The following CTNNA3 variants were observed in gnomAD, a reference collection of about 807,000 sequenced individuals.
The protein encoded by CTNNA3 is catenin alpha 3.
A neutral mutation model predicts 95.7 loss-of-function variants in CTNNA3; 76 were observed. The ratio of observed to expected loss-of-function variants is 0.79; its 90% confidence interval spans 0.66 to 0.96. The LOEUF is 0.96. Among genes scored for constraint, CTNNA3 ranks in the 40% least tolerant of loss-of-function variants. The probability of loss-of-function intolerance (pLI) is 0.00; values close to 1 mark genes in which losing one functional copy is unlikely to be tolerated. For missense variants in CTNNA3, 1,191 were observed against 1,089.8 expected, an observed-to-expected ratio of 1.09 and a Z score of -1.31; for synonymous variants, 431 against 374.4, an observed-to-expected ratio of 1.15 and a Z score of -1.74.
intron 3 of CTNNA3, among the ~76,000 whole-genome samples, chr10:67,546,726 T>A (rs12217699): frequency 6.6e-6 from 1 of 152,322 alleles, no homozygotes; most frequent in East Asian, 1.9e-4. Flanking sequence ...ATAAACACTT[T>A]TATATTATTC....
At chr10:66,129,320 C>T (rs7079733) in intron 13 of CTNNA3, among the ~76,000 whole-genome samples, 26,571 of 152,102 alleles carry the variant, frequency 0.17, 2,757 homozygotes, top group South Asian at 0.4. Context: ...CAGCAAGCTA[C>T]TCTCACATTG....
chr10:65,932,589 G>A (rs1009811724), intron 17 of CTNNA3, among the ~76,000 whole-genome samples: 3 of 152,058 alleles, frequency 2.0e-5, no homozygotes, highest in African/African-American at 4.8e-5. Context: ...CCAAATCGCC[G>A]TAACTCCAAA....
At chr10:66,615,832 C>T (rs565798771) in intron 10 of CTNNA3, among the ~76,000 whole-genome samples, 2 of 152,094 alleles carry the variant, frequency 1.3e-5, no homozygotes, top group South Asian at 2.1e-4. Flanking sequence ...GATGTGCAAT[C>T]GTTTCACTAT....
At chr10:66,801,168 GAAAT>G (rs1467519725) in intron 7 of CTNNA3, among the ~76,000 whole-genome samples, 2 of 151,274 alleles carry the variant, frequency 1.3e-5, no homozygotes, top group South Asian at 2.1e-4. Context: ...ATATTAGGGG[GAAAT>G]AAATATAAAG....
Position 67,065,507 on chromosome 10 carries a change from C to T in CTNNA3, c.1047+114810G>A, listed in dbSNP as rs541092218. Among the ~76,000 whole-genome samples the T allele has an allele frequency of 3.9e-5, 6 of 152,268 alleles. No individual in the cohort carries two copies. The South Asian group carries it at 1.2e-3, about 32-fold the overall frequency. On this transcript the variant is annotated intron_variant, in intron 7 of 17. Coordinates refer to ENST00000433211, the MANE Select transcript of CTNNA3 (RefSeq NM_013266.4). ...ACAGAAACTAGCTAGCTTCCCACCA[C>T]ATCTGTTCCATCTTCTTCCTGGGCC...
intron 9 of CTNNA3, among the ~76,000 whole-genome samples, chr10:66,670,839 C>A (rs917093934): frequency 6.6e-6 from 1 of 152,184 alleles, no homozygotes; most frequent in Non-Finnish European, 1.5e-5. Context: ...ACCTGCCAAC[C>A]AGAAATTGGC....
At chr10:67,179,188 C>A (rs987878901) in intron 7 of CTNNA3, among the ~76,000 whole-genome samples, 1 of 152,024 alleles carries the variant, frequency 6.6e-6, no homozygotes, top group Non-Finnish European at 1.5e-5. Context: ...CTACATGAAT[C>A]TTGAATTCTT....
intron 12 of CTNNA3, among the ~76,000 whole-genome samples, chr10:66,314,945 T>C (rs1360263383): frequency 6.6e-6 from 1 of 152,056 alleles, no homozygotes; most frequent in East Asian, 1.9e-4. Flanking sequence ...AGAAGGAAAG[T>C]GACAGTTCTT....
intron 13 of CTNNA3, among the ~76,000 whole-genome samples, chr10:66,153,052 T>A (rs1175131013): frequency 6.6e-6 from 1 of 151,968 alleles, no homozygotes; most frequent in Non-Finnish European, 1.5e-5. Context: ...TATTGATCTA[T>A]CTTAAAGTTT....
chr10:67,644,495 G>A lies in CTNNA3; in HGVS notation c.99+2920C>T, dbSNP rs186589383. Among the ~76,000 whole-genome samples, 130 of 150,794 alleles carry A rather than the reference G, an allele frequency of 8.6e-4. 1 individual carries two copies. In the East Asian group the frequency reaches 0.022, roughly 25 times the overall value. On this transcript the variant is annotated intron_variant, in intron 2 of 17. Coordinates refer to ENST00000433211, the MANE Select transcript of CTNNA3 (RefSeq NM_013266.4). The stretch of plus-strand genomic sequence containing the variant: ...AGACACTTAACATGATGTTATCCTA[G>A]AAAAAAAAACCTTTAATATAATTTA...
In CTNNA3 at chr10:66,840,323, A is replaced by ATCTC. The variant is rs71035189; in HGVS notation, c.1048-64803_1048-64800dup. ...CCTGCATTTCTTCTTCCAAGAAGCC[A>ATCTC]TCTCTCTCTCTCTCTCTCTCTCTCT... On this transcript the variant is annotated intron_variant, in intron 7 of 17. Transcript: ENST00000433211. Among the ~76,000 whole-genome samples, 346 of 90,644 alleles carry ATCTC rather than the reference A, an allele frequency of 3.8e-3. 2 individuals are homozygous for ATCTC. Among genetic ancestry groups the ATCTC allele is most frequent in the East Asian group, 0.02 (33 of 1,648 alleles). The allele number at this position is 90,644 out of a possible 152,430, so 59.5% of individuals were successfully genotyped here. A position where few individuals can be genotyped will look rare whatever the true frequency, so the allele number is the denominator to read the frequency against.
chr10:67,725,447 GA>G (rs1013541157), intron 1 of CTNNA3, among the ~76,000 whole-genome samples: 1 of 152,116 alleles, frequency 6.6e-6, no homozygotes, highest in African/African-American at 2.4e-5. Flanking sequence ...AAACTGGTGG[GA>G]TTAAAGGGGT....
At chr10:66,360,062 C>T (rs2092641768) in intron 12 of CTNNA3, among the ~76,000 whole-genome samples, 1 of 152,044 alleles carries the variant, frequency 6.6e-6, no homozygotes, top group African/African-American at 2.4e-5. Flanking sequence ...CTCCTGACCT[C>T]ATGATCCACC....
Position 66,133,349 on chromosome 10 carries a change from C to T in CTNNA3, c.1885-30100G>A, listed in dbSNP as rs1464986282. Among the ~76,000 whole-genome samples, 4 of 151,596 alleles carry T rather than the reference C, an allele frequency of 2.6e-5. No individual in the cohort carries two copies. In the East Asian group the frequency reaches 5.8e-4, roughly 22 times the overall value. ...GGCCAACATGGCGAAACCCCATCTCCACTAAAAATACAAAAATTAGCCAGG... is the reference window on the plus strand; with the variant it reads ...GGCCAACATGGCGAAACCCCATCTCTACTAAAAATACAAAAATTAGCCAGG... On this transcript the variant is annotated intron_variant, in intron 13 of 17. Transcript: ENST00000433211.
At chr10:66,737,793 G>A (rs941998362) in intron 9 of CTNNA3, among the ~76,000 whole-genome samples, 73 of 151,972 alleles carry the variant, frequency 4.8e-4, no homozygotes, top group African/African-American at 1.8e-3. Flanking sequence ...TGAGTAGCTG[G>A]GATTACAGGC....
intron 7 of CTNNA3, among the ~76,000 whole-genome samples, chr10:66,804,163 T>C (rs970716428): frequency 1.3e-5 from 2 of 152,024 alleles, no homozygotes; most frequent in South Asian, 4.1e-4. Flanking sequence ...GTTCACCCCC[T>C]GAAAAAGAAA....
At chr10:66,059,238 T>C (rs1050741130) in intron 15 of CTNNA3, among the ~76,000 whole-genome samples, 2 of 152,146 alleles carry the variant, frequency 1.3e-5, no homozygotes, top group Admixed American at 6.6e-5. Context: ...CCGTTTTCTG[T>C]AGCTATTTCT....
intron 9 of CTNNA3, among the ~76,000 whole-genome samples, chr10:66,741,985 A>G (rs924465936): frequency 6.6e-6 from 1 of 152,214 alleles, no homozygotes; most frequent in Non-Finnish European, 1.5e-5. Context: ...TGTTTGAACA[A>G]TATGAAATCT....
chr10:67,311,879 T>A lies in CTNNA3; in HGVS notation c.580-92009A>T, dbSNP rs543914979. Among the ~76,000 whole-genome samples the A allele has an allele frequency of 2.0e-3, 304 of 151,964 alleles. 4 individuals carry two copies. The highest frequency in any genetic ancestry group is 7.0e-3 in the African/African-American group (289 of 41,458). ...TTTTTTCAATTCATTTCCCCTAGTA[T>A]CCCAACCCCAACATTCTTTCTACCA... On this transcript the variant is annotated intron_variant, in intron 5 of 17. Coordinates refer to ENST00000433211, the MANE Select transcript of CTNNA3 (RefSeq NM_013266.4).
Sources: allele counts gnomAD v4.1 joint callset (sites outside exome capture counted in the v4.1 genomes callset), GRCh38; gene constraint gnomAD v4.1.1; transcripts MANE v1.5; gene names NCBI Gene and HGNC (gene_info 2026-07-23, HGNC 2026-07-21).